The following ASPG variants were observed in gnomAD, a reference collection of about 807,000 sequenced individuals.
ASPG encodes the protein asparaginase, also known as 60 kDa lysophospholipase.
Under a neutral mutation model 63.2 loss-of-function variants are expected in ASPG, and 53 were observed. The ratio of observed to expected loss-of-function variants is 0.84; its 90% confidence interval spans 0.67 to 1.05. The LOEUF is 1.05. Among genes scored for constraint, ASPG ranks in the 50% least tolerant of loss-of-function variants. ASPG has a pLI of 0.00. For synonymous variants in ASPG, 370 were observed against 355.0 expected, an observed-to-expected ratio of 1.04 and a Z score of -0.48; for missense variants, 741 against 794.4, an observed-to-expected ratio of 0.93 and a Z score of 0.81.
chr14:104,099,374 T>G (rs1260582979), intron 6 of ASPG, among the ~76,000 whole-genome samples: 1 of 152,078 alleles, frequency 6.6e-6, no homozygotes, highest in Non-Finnish European at 1.5e-5. Flanking sequence ...GTCCTCTGGT[T>G]CCGGCGGGCA....
At chr14:104,098,191 C>T (rs188067110) in intron 5 of ASPG, among the ~76,000 whole-genome samples, 1 of 152,006 alleles carries the variant, frequency 6.6e-6, no homozygotes, top group Non-Finnish European at 1.5e-5. Flanking sequence ...GTTAGAGATG[C>T]GTATGGAGGT....
Position 104,104,326 on chromosome 14 carries a change from C to G in ASPG, c.776C>G (p.Pro259Arg). The change falls in exon 8 of 16, where the codon CCC becomes CGC. Residue 259 changes from proline (P) to arginine (R), a missense_variant. Transcript: ENST00000551177. The stretch of plus-strand genomic sequence containing the variant: ...CAGGTTCGGGCCTTCTTGCAGCCTC[C>G]CCTGAAGGGCGTGGTCATGGAGACC... ...AALVRAFLQP[P>R]LKGVVMETFG... 1 of 1,612,442 alleles carries G rather than the reference C, an allele frequency of 6.2e-7. No homozygotes were observed. Among genetic ancestry groups the G allele is most frequent in the Non-Finnish European group, 8.5e-7 (1 of 1,179,684 alleles).
At position 104,113,598 on chromosome 14, in the gene ASPG, T is replaced by C. The variant is rs962423389; in HGVS notation, c.*1054T>C. ...CCTCTCTACCTGCCCAGGTGACGGT[T>C]CCTTTTGTCCCTCTGTTTGGCTGGC... On this transcript the variant is annotated 3_prime_UTR_variant, in exon 16 of 16. Coordinates refer to ENST00000551177, the MANE Select transcript of ASPG (RefSeq NM_001080464.3). The C allele has an allele frequency of 1.3e-5, 2 of 152,380 alleles. No individual in the cohort carries two copies. The highest frequency in any genetic ancestry group is 1.3e-4 in the Admixed American group (2 of 15,286). The allele number at this position is 152,380 out of a possible 1,614,324, so 9.4% of individuals were successfully genotyped here. A position where few individuals can be genotyped will look rare whatever the true frequency, so the allele number is the denominator to read the frequency against.
rs914240098 is a variant in ASPG at position 104,091,421 on chromosome 14, A to G, written c.83-1212A>G. ...CTCCCCCGTCTGCTGGCTGAGCCCT[A>G]CTGGCGGGGTGATTTTGTCAGCGGC... On this transcript the variant is annotated intron_variant, in intron 1 of 15. Transcript: ENST00000551177. This position sits in a 1 kb window ranked among gnomAD's most constrained non-coding sequence, Gnocchi z 6.4. Among the ~76,000 whole-genome samples the G allele has an allele frequency of 2.0e-5, 3 of 152,126 alleles. No homozygotes were observed. The highest frequency in any genetic ancestry group is 2.9e-5 in the Non-Finnish European group (2 of 68,028).
Position 104,095,546 on chromosome 14 carries a change from T to C in ASPG, c.319T>C (p.Tyr107His), listed in dbSNP as rs957336173. Reference sequence around the variant, plus strand: ...CCTCCTGCAGAGGCACTACGAGCAGTACCACGGCTTTGTGGTCATCCACGG... The same window carrying C: ...CCTCCTGCAGAGGCACTACGAGCAGCACCACGGCTTTGTGGTCATCCACGG... The part of the protein sequence containing the change: ...AQTIKRHYEQ[Y>H]HGFVVIHGTD... Residue 107 changes from tyrosine to histidine, a missense_variant, in exon 4 of 16, where the codon TAC (tyrosine) becomes CAC (histidine). Coordinates refer to ENST00000551177, the MANE Select transcript of ASPG (RefSeq NM_001080464.3). The C allele has an allele frequency of 5.6e-6, 9 of 1,612,968 alleles. No homozygotes were observed. The highest frequency in any genetic ancestry group is 1.3e-5 in the African/African-American group (1 of 74,924).
intron 1 of ASPG, among the ~76,000 whole-genome samples, chr14:104,089,503 AGTGAGACCCT>A (rs1295751371): frequency 6.6e-6 from 1 of 152,078 alleles, no homozygotes; most frequent in Non-Finnish European, 1.5e-5. Context: ...TGAGTGACAG[AGTGAGACCCT>A]GTCTCAAACA....
At chr14:104,087,001 C>T (rs2036239721) in intron 1 of ASPG, among the ~76,000 whole-genome samples, 2 of 151,246 alleles carry the variant, frequency 1.3e-5, no homozygotes, top group African/African-American at 4.9e-5. Flanking sequence ...TCCCTGGCAG[C>T]TGCCCCTCCT....
chr14:104,103,439 C>A, intron 6 of ASPG, 124 bp from the exon 7 acceptor site: 1 of 809,582 alleles, frequency 1.2e-6, no homozygotes, highest in Non-Finnish European at 1.9e-6. Flanking sequence ...GGGGGCTGAG[C>A]CGCGAAGGCT....
chr14:104,104,512 C>T (rs748657570), intron 8 of ASPG, 26 bp downstream of exon 8: 27 of 1,606,538 alleles, frequency 1.7e-5, no homozygotes, highest in South Asian at 1.4e-4. Flanking sequence ...CAGGGCCTAG[C>T]GGGGAAGGGG....
Position 104,104,493 on chromosome 14 carries a change from C to A in ASPG, c.936+7C>A. The A allele has an allele frequency of 6.2e-7, 1 of 1,610,886 alleles. No homozygotes were observed. Among genetic ancestry groups the A allele is most frequent in the East Asian group, 2.2e-5 (1 of 44,840 alleles). ...AGACTATGCAGCTGGCATGGTAGTG[C>A]CGGGAGATCAGGGCCTAGCGGGGAA... On this transcript the variant is annotated splice_region_variant and intron_variant, in intron 8 of 15. Transcript: ENST00000551177.
intron 1 of ASPG, among the ~76,000 whole-genome samples, chr14:104,090,929 G>A (rs904279316): frequency 3.3e-5 from 5 of 152,072 alleles, no homozygotes; most frequent in Non-Finnish European, 7.4e-5. Context: ...GCAGTGGTGC[G>A]ATCTTGGCTC....
At chr14:104,095,110 T>C (rs906199512) in intron 3 of ASPG, among the ~76,000 whole-genome samples, 1 of 152,194 alleles carries the variant, frequency 6.6e-6, no homozygotes, top group South Asian at 2.1e-4. Flanking sequence ...TTCCCGGCCA[T>C]GGCTGTGCCT....
chr14:104,106,263 G>T (rs1248295589), intron 10 of ASPG, among the ~76,000 whole-genome samples: 3 of 152,202 alleles, frequency 2.0e-5, no homozygotes, highest in Non-Finnish European at 4.4e-5. Context: ...CACCTGTGGG[G>T]CCTCTGCCAG....
At chr14:104,102,651 T>C (rs1662564144) in intron 6 of ASPG, among the ~76,000 whole-genome samples, 1 of 152,122 alleles carries the variant, frequency 6.6e-6, no homozygotes, top group Admixed American at 6.5e-5. Flanking sequence ...GCAGAGGGAA[T>C]GGACCTCAGC....
chr14:104,093,244 C>T (rs2036430905), intron 2 of ASPG: 1 of 576,968 alleles, frequency 1.7e-6, no homozygotes, highest in Non-Finnish European at 3.1e-6. Flanking sequence ...CCTCTTCGAG[C>T]TGGTGTGGGA....
chr14:104,089,548 A>G (rs1167632838), intron 1 of ASPG, among the ~76,000 whole-genome samples: 1 of 152,126 alleles, frequency 6.6e-6, no homozygotes, highest in South Asian at 2.1e-4. Flanking sequence ...ATGCCACTAC[A>G]TACCTGTTAG....
rs183289227 is a variant in ASPG at position 104,109,119 on chromosome 14, G to C, written c.1434-110G>C. ...GGCTAGGGCTGTGGGGTCTTGGGCC[G>C]GCCGGTCCCCGTCCCTGTGCACAGG... is the stretch of plus-strand genomic sequence containing the variant. On this transcript the variant is annotated intron_variant, in intron 12 of 15. Coordinates refer to ENST00000551177, the MANE Select transcript of ASPG (RefSeq NM_001080464.3). The surrounding 1 kb of genome is among the most constrained non-coding windows in gnomAD (Gnocchi z 4.8). 1 of 1,525,614 alleles carries C rather than the reference G, an allele frequency of 6.6e-7. No individual in the cohort carries two copies. Among genetic ancestry groups the C allele is most frequent in the Non-Finnish European group, 8.8e-7 (1 of 1,137,604 alleles). 94.5% of individuals were successfully genotyped at this position (1,525,614 alleles called of 1,614,324 possible).
intron 12 of ASPG, among the ~76,000 whole-genome samples, chr14:104,107,584 G>T (rs1399715573): frequency 6.6e-6 from 1 of 152,206 alleles, no homozygotes; most frequent in South Asian, 2.1e-4. Context: ...CTGTGGGTAT[G>T]GGGGGCTGGG....
Position 104,098,952 on chromosome 14 carries a change from C to G in ASPG, c.613C>G (p.Leu205Val), listed in dbSNP as rs373844611. 5.0e-6 allele frequency: 8 copies of G among 1,600,562 alleles called. No individual in the cohort carries two copies. In the African/African-American group the frequency reaches 1.1e-4, roughly 21 times the overall value. Residue 205 changes from leucine to valine, a missense_variant, in exon 6 of 16, where the codon CTG becomes GTG. Leu to Val is a conservative substitution (Grantham distance 32). Transcript: ENST00000551177. ...TTTCTGCTCCCCGAACCTGCTGCCT[C>G]TGGCCACAGTGGGTGCTGACATCAC... ...AAFCSPNLLP[L>V]ATVGADITIN...
Sources: allele counts gnomAD v4.1 joint callset (sites outside exome capture counted in the v4.1 genomes callset), GRCh38; gene constraint gnomAD v4.1.1; non-coding constraint Gnocchi (gnomAD v3.1); transcripts MANE v1.5; gene names NCBI Gene and HGNC (gene_info 2026-07-23, HGNC 2026-07-21).